The following KIAA0319L variants were observed in gnomAD, a reference collection of about 807,000 sequenced individuals.
KIAA0319L encodes dyslexia-associated protein KIAA0319-like protein.
KIAA0319L carries 55 observed loss-of-function variants against 120.1 expected under a neutral mutation model. That is an observed-to-expected ratio of 0.46 (90% CI 0.37 to 0.57). KIAA0319L has a LOEUF of 0.57. Among genes scored for constraint, KIAA0319L ranks in the 20% least tolerant of loss-of-function variants. The pLI is 0.00. For synonymous variants in KIAA0319L, 398 were observed against 471.9 expected (o/e 0.84, Z 2.03); for missense variants, 1,049 against 1,255.3 (o/e 0.84, Z 2.48).
intron 3 of KIAA0319L, among the ~76,000 whole-genome samples, chr1:35,495,863 C>CAAA (rs200064916): frequency 0.043 from 2,954 of 68,016 alleles, 152 homozygotes; most frequent in African/African-American, 0.11. Flanking sequence ...TAACACTCTA[C>CAAA]AAAAAAAAAA....
At chr1:35,487,614 T>C (rs1012503599) in intron 3 of KIAA0319L, among the ~76,000 whole-genome samples, 3 of 152,182 alleles carry the variant, frequency 2.0e-5, no homozygotes, top group African/African-American at 7.2e-5. Context: ...TTACTCAGAT[T>C]TGGGGCCTGT....
intron 2 of KIAA0319L, among the ~76,000 whole-genome samples, chr1:35,525,559 A>G (rs554864933): frequency 2.0e-5 from 3 of 152,096 alleles, no homozygotes; most frequent in Non-Finnish European, 2.9e-5. Flanking sequence ...GGGTAAGATG[A>G]TATCTCATTG....
Position 35,506,744 on chromosome 1 carries a change from G to T in KIAA0319L, c.534C>A (p.Asp178Glu). Residue 178 changes from aspartate (D) to glutamate (E), a missense_variant, in exon 3 of 21, where the codon GAC becomes GAA. Coordinates refer to ENST00000325722, the MANE Select transcript of KIAA0319L (RefSeq NM_024874.5). This position sits in a 1 kb window ranked among gnomAD's most constrained non-coding sequence, Gnocchi z 4.0. ...GAAGCTTCCTGATTAAGCTCTGCTGGTCACTGGAAGATACAGCAGGTCTGA... is the reference window on the plus strand; with the variant it reads ...GAAGCTTCCTGATTAAGCTCTGCTGTTCACTGGAAGATACAGCAGGTCTGA... The part of the protein sequence containing the change: ...AALRPAVSSS[D>E]QQSLIRKLQK... 1 of 1,614,178 alleles carries T rather than the reference G, an allele frequency of 6.2e-7. No individual in the cohort carries two copies. Among genetic ancestry groups the T allele is most frequent in the Non-Finnish European group, 8.5e-7 (1 of 1,180,024 alleles).
At chr1:35,538,570 AAC>A (rs1646670469) in intron 2 of KIAA0319L, among the ~76,000 whole-genome samples, 1 of 146,302 alleles carries the variant, frequency 6.8e-6, no homozygotes, top group African/African-American at 2.6e-5. Context: ...CAGCCTGGGC[AAC>A]AGAGTGAAAC....
rs369177583 is a variant in KIAA0319L, at chr1:35,553,142, G to C, written c.142+1208C>G. ...TCATGCCTGGAGGCTGAAGCAAGAG[G>C]ACAGCTTGAGCCCAGGAGTTTGAGG... On this transcript the variant is annotated intron_variant, in intron 2 of 20. Coordinates refer to ENST00000325722, the MANE Select transcript of KIAA0319L (RefSeq NM_024874.5). 1.3e-4 allele frequency among the ~76,000 whole-genome samples: 19 copies of C among 151,616 alleles called. No homozygotes were observed. The East Asian group carries it at 3.1e-3, about 25-fold the overall frequency.
chr1:35,522,781 G>A (rs1645977319), intron 2 of KIAA0319L, among the ~76,000 whole-genome samples: 1 of 151,666 alleles, frequency 6.6e-6, no homozygotes, highest in African/African-American at 2.4e-5. Context: ...ACTTTGGGAG[G>A]CCGAGGTGGG....
intron 2 of KIAA0319L, among the ~76,000 whole-genome samples, chr1:35,539,356 G>A (rs1312430334): frequency 6.6e-6 from 1 of 152,200 alleles, no homozygotes; most frequent in Non-Finnish European, 1.5e-5. Context: ...CCTGTTCCAG[G>A]TCTGCAGACC....
At position 35,466,700 on chromosome 1, in the gene KIAA0319L, A is replaced by T. The variant is rs376810768; in HGVS notation, c.1114-5T>A. The T allele has an allele frequency of 6.3e-7, 1 of 1,578,918 alleles. No homozygotes were observed. Among genetic ancestry groups the T allele is most frequent in the Non-Finnish European group, 8.7e-7 (1 of 1,148,234 alleles). ...TTCATACAGGCCTGGAGTGAGCTGC[A>T]GAAGTGAGAGAAGATCTCTTAGACA... On this transcript the variant is annotated splice_region_variant and splice_polypyrimidine_tract_variant and intron_variant, in intron 6 of 20. Coordinates refer to ENST00000325722, the MANE Select transcript of KIAA0319L (RefSeq NM_024874.5).
intron 2 of KIAA0319L, among the ~76,000 whole-genome samples, chr1:35,519,242 TCAAA>T (rs947485138): frequency 4.6e-5 from 7 of 152,022 alleles, no homozygotes; most frequent in Non-Finnish European, 8.8e-5. Context: ...ACTAGAATAC[TCAAA>T]CAAAGGCCCA....
In KIAA0319L at chr1:35,557,351, C is replaced by T; in HGVS notation, c.-173G>A. 3.5e-6 allele frequency: 1 copy of T among 286,610 alleles called. No homozygotes were observed. Among genetic ancestry groups the T allele is most frequent in the Non-Finnish European group, 6.9e-6 (1 of 145,430 alleles). 17.8% of individuals were successfully genotyped at this position (286,610 alleles called of 1,614,324 possible). On this transcript the variant is annotated 5_prime_UTR_variant, in exon 1 of 21. Coordinates refer to ENST00000325722, the MANE Select transcript of KIAA0319L (RefSeq NM_024874.5). ...AAGAAGGTAGTGCGGGCTCCCCACC[C>T]GGACAGCTACCTCTCGCCTCAGCCT... is the stretch of plus-strand genomic sequence containing the variant.
intron 2 of KIAA0319L, among the ~76,000 whole-genome samples, chr1:35,522,933 C>T (rs953634599): frequency 2.0e-5 from 3 of 148,812 alleles, no homozygotes; most frequent in Non-Finnish European, 4.4e-5. Context: ...GCAGGAGAAT[C>T]GCTTGAATCC....
intron 8 of KIAA0319L, among the ~76,000 whole-genome samples, chr1:35,461,638 C>A (rs769207441): frequency 6.6e-6 from 1 of 152,188 alleles, no homozygotes; most frequent in Non-Finnish European, 1.5e-5. Context: ...CATTGACTGT[C>A]TGGAGGAAAA....
intron 3 of KIAA0319L, among the ~76,000 whole-genome samples, chr1:35,494,896 A>T (rs1050411400): frequency 1.3e-5 from 2 of 152,170 alleles, no homozygotes; most frequent in Non-Finnish European, 2.9e-5. Context: ...AGTGTAGAGA[A>T]GCAGACCTAT....
At position 35,462,681 on chromosome 1, in the gene KIAA0319L, C is replaced by G. The variant is rs962157220; in HGVS notation, c.1234G>C (p.Val412Leu). ...GAGATCTCCTGGAACTGAGGTGACACAATAGCAATGGGGGGCCGATTCTTA... is the reference window on the plus strand; with the variant it reads ...GAGATCTCCTGGAACTGAGGTGACAGAATAGCAATGGGGGGCCGATTCTTA... ...PRKNRPPIAI[V>L]SPQFQEISLP... The change falls in exon 8 of 21, where the codon GTG (valine) becomes CTG (leucine). Residue 412 changes from valine (V) to leucine (L), a missense_variant. Physicochemically the swap from Val to Leu is conservative, Grantham distance 32. Transcript: ENST00000325722. 5 of 1,613,982 alleles carry G rather than the reference C, an allele frequency of 3.1e-6. No individual in the cohort carries two copies. In the Admixed American group the frequency reaches 8.3e-5, roughly 27 times the overall value.
rs148759712 is a variant in KIAA0319L, at chr1:35,519,259, G to C, written c.143-12124C>G. Among the ~76,000 whole-genome samples the C allele has an allele frequency of 7.2e-3, 1,093 of 152,056 alleles. 3 individuals are homozygous for C. Among genetic ancestry groups the C allele is most frequent in the Admixed American group, 0.013 (192 of 15,264 alleles). On this transcript the variant is annotated intron_variant, in intron 2 of 20. Coordinates refer to ENST00000325722, the MANE Select transcript of KIAA0319L (RefSeq NM_024874.5). ...TAGAATACTCAAACAAAGGCCCAGA[G>C]GCTTAGAAAGAACATGGTAAGAATT...
intron 2 of KIAA0319L, among the ~76,000 whole-genome samples, chr1:35,528,692 A>AT (rs1391388635): frequency 6.6e-6 from 1 of 152,082 alleles, no homozygotes; most frequent in Admixed American, 6.6e-5. Context: ...TAATCTGTCT[A>AT]TTGTTGAGAG....
At position 35,451,743 on chromosome 1, in the gene KIAA0319L, G is replaced by A. The variant is rs548204268; in HGVS notation, c.1947C>T (p.Asn649=). Residue 649 remains asparagine, a synonymous_variant, in exon 13 of 21, where the codon AAC becomes AAT. Coordinates refer to ENST00000325722, the MANE Select transcript of KIAA0319L (RefSeq NM_024874.5). Reference sequence around the variant, plus strand: ...GCCCAGTCACAGTAGCAACACTGCTGTTAGCATTCTCGAGCTGCACCCCAT... The same window carrying A: ...GCCCAGTCACAGTAGCAACACTGCTATTAGCATTCTCGAGCTGCACCCCAT... ...GPDGVQLENA[N]SSVATVTGLQ... is the part of the protein sequence containing the mutation. 13 of 1,614,100 alleles carry A rather than the reference G, an allele frequency of 8.1e-6. No individual in the cohort carries two copies. The highest frequency in any genetic ancestry group is 5.3e-5 in the African/African-American group (4 of 75,036).
chr1:35,535,878 T>C (rs1646556353), intron 2 of KIAA0319L, among the ~76,000 whole-genome samples: 1 of 152,214 alleles, frequency 6.6e-6, no homozygotes, highest in South Asian at 2.1e-4. Context: ...GTATATTGTA[T>C]GTGTAGGCCC....
intron 8 of KIAA0319L, among the ~76,000 whole-genome samples, chr1:35,462,187 C>T (rs761915401): frequency 1.2e-4 from 18 of 152,118 alleles, no homozygotes; most frequent in South Asian, 6.3e-4. Context: ...CTCCAGGAGG[C>T]GGCTGATGAG....
Sources: gnomAD v4.1 joint callset for allele counts (sites outside exome capture counted in the v4.1 genomes callset) on GRCh38, gnomAD v4.1.1 for gene constraint, Gnocchi (gnomAD v3.1) non-coding constraint, MANE v1.5 for transcripts, NCBI Gene and HGNC (gene_info 2026-07-23, HGNC 2026-07-21) for gene names.